KATNBL1: variants seen among roughly 807,000 people sequenced by gnomAD.
KATNBL1 encodes KATNB1-like protein 1.
Under a neutral mutation model 44.7 loss-of-function variants are expected in KATNBL1, and 28 were observed. That is an observed-to-expected ratio of 0.63 (90% confidence interval 0.46 to 0.86). The LOEUF is 0.86. Ranked by LOEUF, KATNBL1 falls within the 40% of genes least tolerant of loss-of-function variation. KATNBL1 has a pLI of 0.00. For synonymous variants in KATNBL1, 78 were observed against 114.9 expected (o/e 0.68, Z 2.06); for missense variants, 272 against 350.7 (o/e 0.78, Z 1.79).
chr15:34,146,695 T>C, intron 8 of KATNBL1, 66 bp downstream of exon 8: 1 of 858,024 alleles, frequency 1.2e-6, no homozygotes, highest in Non-Finnish European at 2.0e-6. Context: ...AATTATTACC[T>C]AGTTTAATCA....
At position 34,141,107 on chromosome 15, in the gene KATNBL1, T is replaced by A. The variant is rs1051192151; in HGVS notation, c.*1232A>T. The A allele has an allele frequency of 2.0e-5, 3 of 152,306 alleles. No individual in the cohort carries two copies. Among genetic ancestry groups the A allele is most frequent in the African/African-American group, 7.2e-5 (3 of 41,462 alleles). The allele number at this position is 152,306 out of a possible 1,614,324, so 9.4% of individuals were successfully genotyped here. A position where few individuals can be genotyped will look rare whatever the true frequency, so the allele number is the denominator to read the frequency against. On this transcript the variant is annotated 3_prime_UTR_variant, in exon 10 of 10. Coordinates refer to ENST00000256544, the MANE Select transcript of KATNBL1 (RefSeq NM_024713.3). ...GGGATGATGTGTGAACCACCAGCAG[T>A]GGTATTAAACCCCAATCATTTTCAA...
At chr15:34,146,392 G>A (rs73376162) in intron 8 of KATNBL1, 1,948 of 166,630 alleles carry the variant, frequency 0.012, 41 homozygotes, top group African/African-American at 0.042. Flanking sequence ...CATCAACACC[G>A]GACTCTCAGG....
At chr15:34,209,860 G>GC (rs1284038363) in intron 1 of KATNBL1, 91 bp downstream of exon 1, 20 of 151,124 alleles carry the variant, frequency 1.3e-4, no homozygotes, top group African/African-American at 4.3e-4. Context: ...CTGCAGGTGG[G>GC]CCCAGGGCGC....
At chr15:34,143,836 G>GGGC (rs901506344) in intron 9 of KATNBL1, among the ~76,000 whole-genome samples, 1 of 149,862 alleles carries the variant, frequency 6.7e-6, no homozygotes, top group Non-Finnish European at 1.5e-5. Context: ...GCATGGTGGT[G>GGGC]GGCGCCTGTA....
At chr15:34,198,435 G>A (rs1209891625) in intron 1 of KATNBL1, 2 of 152,184 alleles carry the variant, frequency 1.3e-5, no homozygotes, top group African/African-American at 4.8e-5. Flanking sequence ...AACAAAAACT[G>A]CTCTTGGAGT....
intron 2 of KATNBL1, among the ~76,000 whole-genome samples, chr15:34,162,086 A>C (rs1888824958): frequency 6.6e-6 from 1 of 152,200 alleles, no homozygotes; most frequent in Non-Finnish European, 1.5e-5. Context: ...CTCTGTTCTA[A>C]TTCTGTAGTC....
At chr15:34,151,942 C>CTTT (rs57229186) in intron 4 of KATNBL1, among the ~76,000 whole-genome samples, 3 of 139,466 alleles carry the variant, frequency 2.2e-5, no homozygotes, top group Non-Finnish European at 3.1e-5. Context: ...CGGTGGTCCA[C>CTTT]TTTTTTTTTT....
chr15:34,192,130 C>T (rs1000452318), intron 1 of KATNBL1, among the ~76,000 whole-genome samples: 3 of 151,886 alleles, frequency 2.0e-5, no homozygotes, highest in Non-Finnish European at 2.9e-5. Flanking sequence ...TTCAGTCAGG[C>T]GCAGTGGCTC....
In KATNBL1 at chr15:34,163,679, T is replaced by G. The variant is rs1248695089; in HGVS notation, c.-3A>C. 6.5e-7 allele frequency: 1 copy of G among 1,539,122 alleles called. No individual in the cohort carries two copies. Among genetic ancestry groups the G allele is most frequent in the African/African-American group, 1.4e-5 (1 of 71,728 alleles). On this transcript the variant is annotated 5_prime_UTR_variant, in exon 2 of 10. Transcript: ENST00000256544. Reference sequence around the variant, plus strand: ...ACATTGTGGGTTTCTGATGCCATAATCTCTTAAGTACCTAGACAATAAAAT... The same window carrying G: ...ACATTGTGGGTTTCTGATGCCATAAGCTCTTAAGTACCTAGACAATAAAAT...
chr15:34,179,629 T>C (rs747621200), intron 1 of KATNBL1, among the ~76,000 whole-genome samples: 42 of 152,102 alleles, frequency 2.8e-4, no homozygotes, highest in Non-Finnish European at 5.1e-4. Flanking sequence ...ACATCCCACC[T>C]GGCAAGCAAC....
Position 34,144,678 on chromosome 15 carries a change from C to T in KATNBL1, c.882+720G>A, listed in dbSNP as rs549055796. Among the ~76,000 whole-genome samples, 9 of 151,956 alleles carry T rather than the reference C, an allele frequency of 5.9e-5. 1 individual carries two copies. Among genetic ancestry groups the T allele is most frequent in the African/African-American group, 2.2e-4 (9 of 41,412 alleles). ...CTCCGCCTCCCAGGTTCAAGTGATT[C>T]TCCTGCCTCAGCCTCCCGAGTAGCT... On this transcript the variant is annotated intron_variant, in intron 9 of 9. Transcript: ENST00000256544.
intron 1 of KATNBL1, among the ~76,000 whole-genome samples, chr15:34,181,266 C>A (rs1053984431): frequency 1.3e-5 from 2 of 151,998 alleles, no homozygotes; most frequent in African/African-American, 4.8e-5. Context: ...ATCCATGATT[C>A]CCAGACTTAG....
intron 1 of KATNBL1, among the ~76,000 whole-genome samples, chr15:34,204,993 T>G (rs1332538472): frequency 6.6e-6 from 1 of 151,704 alleles, no homozygotes; most frequent in African/African-American, 2.4e-5. Flanking sequence ...GGGACAGTTT[T>G]TTTTTTTTTT....
intron 4 of KATNBL1, among the ~76,000 whole-genome samples, 182 bp from the exon 5 acceptor site, chr15:34,148,932 C>A (rs919592722): frequency 1.3e-5 from 2 of 152,146 alleles, no homozygotes; most frequent in African/African-American, 4.8e-5. Context: ...AAATTTAAGA[C>A]CCATTTATAC....
rs191638948 is a variant in KATNBL1, at chr15:34,207,703, C to T, written c.-15+2248G>A. Among the ~76,000 whole-genome samples, 743 of 152,140 alleles carry T rather than the reference C, an allele frequency of 4.9e-3. 3 individuals are homozygous for T. The highest frequency in any genetic ancestry group is 7.1e-3 in the Admixed American group (109 of 15,290). The stretch of plus-strand genomic sequence containing the variant: ...GTAGCCTTGACCTCTTGGGCTTAAG[C>T]GATCTTCCCACCCCAGCCTCCCAAG... On this transcript the variant is annotated intron_variant, in intron 1 of 9. Coordinates refer to ENST00000256544, the MANE Select transcript of KATNBL1 (RefSeq NM_024713.3).
chr15:34,141,933 A>T lies in KATNBL1; in HGVS notation c.*406T>A, dbSNP rs1888161181. 6.5e-6 allele frequency: 1 copy of T among 154,718 alleles called. No homozygotes were observed. The highest frequency in any genetic ancestry group is 2.1e-4 in the South Asian group (1 of 4,846). 9.6% of individuals were successfully genotyped at this position (154,718 alleles called of 1,614,324 possible). A position where few individuals can be genotyped will look rare whatever the true frequency, so the allele number is the denominator to read the frequency against. ...TTTTTTTTTAATAAAACACAATCTT[A>T]AAAAAGTTAATGATGATTGGTCTTG... On this transcript the variant is annotated 3_prime_UTR_variant, in exon 10 of 10. Coordinates refer to ENST00000256544, the MANE Select transcript of KATNBL1 (RefSeq NM_024713.3).
intron 2 of KATNBL1, among the ~76,000 whole-genome samples, chr15:34,158,243 T>C (rs773130936): frequency 2.0e-5 from 3 of 152,212 alleles, no homozygotes; most frequent in African/African-American, 4.8e-5. Flanking sequence ...AATGAGTCTC[T>C]TGATGCAGAT....
chr15:34,165,631 T>C (rs1888943508), intron 1 of KATNBL1, among the ~76,000 whole-genome samples: 1 of 151,948 alleles, frequency 6.6e-6, no homozygotes. Flanking sequence ...ACCCTGTCTC[T>C]ACAAAAATAC....
rs117464096 is a variant in KATNBL1, at chr15:34,146,630, G to T, written c.788+131C>A. On this transcript the variant is annotated intron_variant, in intron 8 of 9. Transcript: ENST00000256544. ...CACAAATGAACAGTCTCTTAAGTTA[G>T]TATCTCTCTGAATATAAAAAGAATA... 16 of 620,046 alleles carry T rather than the reference G, an allele frequency of 2.6e-5. No individual in the cohort carries two copies. The East Asian group carries it at 3.9e-4, about 15-fold the overall frequency. The allele number at this position is 620,046 out of a possible 1,614,324, so 38.4% of individuals were successfully genotyped here.
Sources: allele counts gnomAD v4.1 joint callset (sites outside exome capture counted in the v4.1 genomes callset), GRCh38; gene constraint gnomAD v4.1.1; transcripts MANE v1.5; gene names NCBI Gene and HGNC (gene_info 2026-07-23, HGNC 2026-07-21).